Variants in ELAPOR2 observed in about 807,000 individuals in gnomAD.
The protein encoded by ELAPOR2 is endosome-lysosome associated apoptosis and autophagy regulator family member 2, also known as endosome/lysosome-associated apoptosis and autophagy regulator family member 2.
ELAPOR2 carries 89 observed loss-of-function variants against 120.7 expected under a neutral mutation model. The observed-to-expected ratio is 0.74, with a 90% CI of 0.62 to 0.88. The LOEUF (loss-of-function observed/expected upper bound fraction) is 0.88. Ranked by LOEUF, ELAPOR2 falls within the 40% of genes least tolerant of loss-of-function variation. The pLI is 0.00. For synonymous variants in ELAPOR2, 444 were observed against 444.9 expected (o/e 1.00, Z 0.03); for missense variants, 1,134 against 1,251.6 (o/e 0.91, Z 1.42).
intron 11 of ELAPOR2, 92 bp from the exon 12 acceptor site, chr7:86,918,636 C>T: frequency 1.3e-6 from 1 of 783,268 alleles, no homozygotes; most frequent in Non-Finnish European, 2.2e-6. Context: ...AACTAAAAGC[C>T]ATGCTCTTCT....
chr7:87,040,170 G>T (rs996686138), intron 1 of ELAPOR2, among the ~76,000 whole-genome samples: 1 of 152,246 alleles, frequency 6.6e-6, no homozygotes, highest in Non-Finnish European at 1.5e-5. Flanking sequence ...AGATCAAACT[G>T]CAAGGCGGCA....
chr7:86,896,932 G>T (rs1158815022), intron 19 of ELAPOR2, among the ~76,000 whole-genome samples: 1 of 151,808 alleles, frequency 6.6e-6, no homozygotes, highest in African/African-American at 2.4e-5. Flanking sequence ...CAAAAAGATT[G>T]TATTCAATTT....
intron 1 of ELAPOR2, among the ~76,000 whole-genome samples, chr7:87,014,012 G>A (rs79390412): frequency 6.1e-5 from 9 of 146,534 alleles, no homozygotes; most frequent in African/African-American, 1.8e-4. Context: ...AGTATATTTC[G>A]TGCCATGTTT....
chr7:87,059,269 T>C, intron 1 of ELAPOR2, 56 bp downstream of exon 1: 1 of 1,243,110 alleles, frequency 8.0e-7, no homozygotes, highest in Middle Eastern at 2.1e-4. Context: ...CTCTCAGCCT[T>C]CATCTTCCGC....
intron 2 of ELAPOR2, among the ~76,000 whole-genome samples, chr7:86,954,241 C>G (rs1392793533): frequency 6.6e-6 from 1 of 152,142 alleles, no homozygotes; most frequent in African/African-American, 2.4e-5. Context: ...GATCATGCAA[C>G]TACCCAGCAC....
At chr7:87,027,620 G>C (rs1794286668) in intron 1 of ELAPOR2, among the ~76,000 whole-genome samples, 1 of 152,104 alleles carries the variant, frequency 6.6e-6, no homozygotes, top group Non-Finnish European at 1.5e-5. Flanking sequence ...CCTTATAAAA[G>C]GGAAATTTGG....
intron 12 of ELAPOR2, among the ~76,000 whole-genome samples, chr7:86,915,881 A>T (rs1789549187): frequency 6.6e-6 from 1 of 152,040 alleles, no homozygotes; most frequent in Non-Finnish European, 1.5e-5. Context: ...GTAACCAAAC[A>T]ATGAAATCAT....
intron 1 of ELAPOR2, among the ~76,000 whole-genome samples, chr7:86,977,511 T>C (rs1792321244): frequency 6.6e-6 from 1 of 152,166 alleles, no homozygotes; most frequent in Non-Finnish European, 1.5e-5. Context: ...CCCTATATCA[T>C]ACCTCTCCCT....
intron 18 of ELAPOR2, among the ~76,000 whole-genome samples, chr7:86,901,867 T>TC (rs1412165979): frequency 6.6e-6 from 1 of 152,200 alleles, no homozygotes; most frequent in Non-Finnish European, 1.5e-5. Flanking sequence ...GGATGGCTTG[T>TC]CCCCTCTTGT....
rs367842610 is a variant in ELAPOR2, at chr7:86,908,428, A to C, written c.2456+19T>G. 7.4e-5 allele frequency: 99 copies of C among 1,337,974 alleles called. No homozygotes were observed. Among genetic ancestry groups the C allele is most frequent in the Admixed American group, 1.2e-4 (6 of 52,152 alleles). The allele number at this position is 1,337,974 out of a possible 1,614,324, so 82.9% of individuals were successfully genotyped here. The stretch of plus-strand genomic sequence containing the variant: ...CTTTTGGTTAAAATATAGTCAAGGG[A>C]AACAGCATCTTCACTTACTTATAAA... On this transcript the variant is annotated intron_variant, in intron 17 of 21. Coordinates refer to ENST00000450689, the MANE Select transcript of ELAPOR2 (RefSeq NM_001142749.3).
At chr7:86,961,077 T>C (rs928973282) in intron 2 of ELAPOR2, among the ~76,000 whole-genome samples, 2 of 152,174 alleles carry the variant, frequency 1.3e-5, no homozygotes, top group African/African-American at 4.8e-5. Flanking sequence ...TATACACACA[T>C]ATATACAACA....
At chr7:86,951,113 A>C (rs1466219781) in intron 2 of ELAPOR2, among the ~76,000 whole-genome samples, 1 of 152,190 alleles carries the variant, frequency 6.6e-6, no homozygotes, top group African/African-American at 2.4e-5. Context: ...TACAACCTGC[A>C]GGGGAAATCC....
chr7:86,939,831 A>G (rs1267329787), intron 6 of ELAPOR2, among the ~76,000 whole-genome samples, 179 bp downstream of exon 6: 2 of 152,118 alleles, frequency 1.3e-5, no homozygotes, highest in Non-Finnish European at 2.9e-5. Flanking sequence ...ACAAGAAAAA[A>G]AGAAAACAAC....
intron 1 of ELAPOR2, among the ~76,000 whole-genome samples, chr7:87,024,140 C>T: frequency 6.6e-6 from 1 of 152,096 alleles, no homozygotes; most frequent in Non-Finnish European, 1.5e-5. Context: ...CTCTCTTGTG[C>T]CAGTTTTCAA....
chr7:86,895,849 A>G (rs560399587), intron 19 of ELAPOR2, among the ~76,000 whole-genome samples: 1 of 152,264 alleles, frequency 6.6e-6, no homozygotes, highest in Admixed American at 6.5e-5. Context: ...ACTCTAAAAA[A>G]CAATTATAAG....
intron 1 of ELAPOR2, among the ~76,000 whole-genome samples, chr7:87,012,582 G>A (rs1191517387): frequency 6.6e-6 from 1 of 152,074 alleles, no homozygotes; most frequent in East Asian, 1.9e-4. Flanking sequence ...ACAGATGTCT[G>A]TACACAAAGT....
rs2116093904 is a variant in ELAPOR2, at chr7:86,912,935, A to G, written c.1995+6T>C. ...ATGGGGATACCTGAAATGCAGACCC[A>G]CTTACCTGATTGTTTTTACTCCCAG... is the stretch of plus-strand genomic sequence containing the variant. On this transcript the variant is annotated splice_donor_region_variant and intron_variant, in intron 14 of 21. Transcript: ENST00000450689. The G allele has an allele frequency of 2.5e-6, 4 of 1,613,630 alleles. No individual in the cohort carries two copies. In the East Asian group the frequency reaches 6.7e-5, roughly 27 times the overall value.
intron 1 of ELAPOR2, among the ~76,000 whole-genome samples, chr7:87,018,462 A>T: frequency 6.6e-6 from 1 of 152,226 alleles, no homozygotes; most frequent in East Asian, 1.9e-4. Context: ...TTTATAATAA[A>T]GGCAAATGAT....
intron 1 of ELAPOR2, among the ~76,000 whole-genome samples, chr7:87,042,439 A>C (rs1173692946): frequency 1.3e-5 from 2 of 151,342 alleles, no homozygotes; most frequent in Non-Finnish European, 2.9e-5. Flanking sequence ...ATCAAACTAG[A>C]ACTCAGGATG....
Sources: gnomAD v4.1 joint callset for allele counts (sites outside exome capture counted in the v4.1 genomes callset) on GRCh38, gnomAD v4.1.1 for gene constraint, MANE v1.5 for transcripts, NCBI Gene and HGNC (gene_info 2026-07-23, HGNC 2026-07-21) for gene names.